ALK: variants seen among roughly 807,000 people sequenced by gnomAD.
ALK encodes ALK tyrosine kinase receptor.
Under a neutral mutation model 163.1 loss-of-function variants are expected in ALK, and 74 were observed. The observed-to-expected ratio is 0.45, with a 90% CI of 0.38 to 0.55. The LOEUF (loss-of-function observed/expected upper bound fraction) is 0.55. Among genes scored for constraint, ALK ranks in the 20% least tolerant of loss-of-function variants. The probability of loss-of-function intolerance (pLI) is 0.00; values close to 1 mark genes in which losing one functional copy is unlikely to be tolerated. For synonymous variants in ALK, 960 were observed against 843.2 expected, an observed-to-expected ratio of 1.14 and a Z score of -2.40; for missense variants, 2,063 against 2,105.3, an observed-to-expected ratio of 0.98 and a Z score of 0.39.
intron 2 of ALK, among the ~76,000 whole-genome samples, chr2:29,700,886 T>G (rs1332065259): frequency 6.6e-6 from 1 of 152,182 alleles, no homozygotes; most frequent in Admixed American, 6.5e-5. Flanking sequence ...CAAACCACCT[T>G]GAACACTCTG....
At chr2:29,349,185 G>C (rs778828458) in intron 5 of ALK, among the ~76,000 whole-genome samples, 1 of 152,210 alleles carries the variant, frequency 6.6e-6, no homozygotes, top group Non-Finnish European at 1.5e-5. Flanking sequence ...GCTCAGGGAA[G>C]ACAGTAGAGT....
intron 3 of ALK, among the ~76,000 whole-genome samples, chr2:29,639,724 A>G (rs990980665): frequency 6.6e-6 from 1 of 152,352 alleles, no homozygotes; most frequent in Non-Finnish European, 1.5e-5. Flanking sequence ...TTCAGTGAAC[A>G]TAAGGCAAAC....
rs140637999 is a variant in ALK at position 29,607,524 on chromosome 2, C to T, written c.953-75408G>A. 2.5e-3 allele frequency among the ~76,000 whole-genome samples: 374 copies of T among 152,288 alleles called. 2 individuals are homozygous for T. The highest frequency in any genetic ancestry group is 8.7e-3 in the African/African-American group (360 of 41,552). On this transcript the variant is annotated intron_variant, in intron 3 of 28. Transcript: ENST00000389048. Reference sequence around the variant, plus strand: ...AGTCAGGCTTTCTCCCTCACCACTCCCCCGAAATGGCTCTTGTCAAGGTCA... The same window carrying T: ...AGTCAGGCTTTCTCCCTCACCACTCTCCCGAAATGGCTCTTGTCAAGGTCA...
At chr2:29,579,478 T>C (rs1369307114) in intron 3 of ALK, among the ~76,000 whole-genome samples, 2 of 152,218 alleles carry the variant, frequency 1.3e-5, no homozygotes, top group African/African-American at 2.4e-5. Context: ...AATGATGTGA[T>C]AGCAAATGTT....
intron 3 of ALK, among the ~76,000 whole-genome samples, chr2:29,621,326 T>C (rs1400992312): frequency 6.6e-6 from 1 of 152,178 alleles, no homozygotes; most frequent in Non-Finnish European, 1.5e-5. Flanking sequence ...AGAAAAGATA[T>C]CTGTTTTCTT....
rs56101801 is a variant in ALK, at chr2:29,384,651, A to AGTGT, written c.1155-796_1155-793dup. On this transcript the variant is annotated intron_variant, in intron 4 of 28. Coordinates refer to ENST00000389048, the MANE Select transcript of ALK (RefSeq NM_004304.5). Reference sequence around the variant, plus strand: ...CAGCATTGATTCATAAATGTCTGCGAGTGTGTGTGTGTGTGTGGATTTATT... The same window carrying AGTGT: ...CAGCATTGATTCATAAATGTCTGCGAGTGTGTGTGTGTGTGTGTGTGGATTTATT... Among the ~76,000 whole-genome samples the AGTGT allele has an allele frequency of 4.2e-3, 633 of 150,640 alleles. 1 individual carries two copies. Among genetic ancestry groups the AGTGT allele is most frequent in the East Asian group, 0.024 (123 of 5,146 alleles).
chr2:29,638,768 C>A (rs1299333174), intron 3 of ALK, among the ~76,000 whole-genome samples: 2 of 152,112 alleles, frequency 1.3e-5, no homozygotes, highest in South Asian at 2.1e-4. Flanking sequence ...AAGACTGGGA[C>A]TGAACCACAG....
chr2:29,833,053 TGAG>T, intron 1 of ALK, among the ~76,000 whole-genome samples: 1 of 152,170 alleles, frequency 6.6e-6, no homozygotes, highest in Non-Finnish European at 1.5e-5. Context: ...AGAGAGCACT[TGAG>T]GTAGGGAAGT....
At chr2:29,347,064 T>C (rs1304129678) in intron 5 of ALK, among the ~76,000 whole-genome samples, 3 of 152,220 alleles carry the variant, frequency 2.0e-5, no homozygotes, top group Admixed American at 1.3e-4. Flanking sequence ...TCTCCGTTTT[T>C]TGTAGTTCAA....
intron 1 of ALK, among the ~76,000 whole-genome samples, chr2:29,763,568 A>G (rs1358649399): frequency 6.6e-6 from 1 of 152,110 alleles, no homozygotes; most frequent in South Asian, 2.1e-4. Context: ...CTCAGCCCCC[A>G]CATTTATGGG....
intron 4 of ALK, among the ~76,000 whole-genome samples, chr2:29,518,720 C>T (rs193052056): frequency 3.5e-3 from 536 of 152,220 alleles, no homozygotes; most frequent in Non-Finnish European, 5.1e-3. Flanking sequence ...AATCACTTAG[C>T]CTGGGAAAAC....
At chr2:29,574,741 G>A (rs920666319) in intron 3 of ALK, among the ~76,000 whole-genome samples, 1 of 152,210 alleles carries the variant, frequency 6.6e-6, no homozygotes, top group Admixed American at 6.5e-5. Flanking sequence ...GATGAGGAGG[G>A]GAGGCCGTGC....
intron 9 of ALK, among the ~76,000 whole-genome samples, chr2:29,283,901 T>C (rs1547593): frequency 0.9 from 136,774 of 152,192 alleles, 62,611 homozygotes; most frequent in Non-Finnish European, 0.99. Flanking sequence ...GTAAATCACA[T>C]ACTTGTGCCT....
intron 8 of ALK, among the ~76,000 whole-genome samples, chr2:29,304,298 C>G (rs1371334292): frequency 6.6e-6 from 1 of 152,062 alleles, no homozygotes; most frequent in Non-Finnish European, 1.5e-5. Flanking sequence ...GAGTTCTAGA[C>G]CAGCCTGGTC....
intron 4 of ALK, among the ~76,000 whole-genome samples, chr2:29,403,608 GT>G (rs1405860750): frequency 7.0e-6 from 1 of 142,250 alleles, no homozygotes; most frequent in Non-Finnish European, 1.5e-5. Context: ...TGGCATGCTT[GT>G]TCACACCTAT....
At chr2:29,551,312 T>A (rs1193088177) in intron 3 of ALK, among the ~76,000 whole-genome samples, 2 of 152,070 alleles carry the variant, frequency 1.3e-5, no homozygotes, top group Admixed American at 1.3e-4. Flanking sequence ...CTTCATGGAG[T>A]CATTAAAATT....
chr2:29,355,289 T>C (rs188895643), intron 5 of ALK, among the ~76,000 whole-genome samples: 2 of 152,302 alleles, frequency 1.3e-5, no homozygotes, highest in African/African-American at 4.8e-5. Context: ...TATTTTCAGC[T>C]GGGAAAACAA....
At chr2:29,411,822 G>A (rs773648234) in intron 4 of ALK, among the ~76,000 whole-genome samples, 6 of 152,104 alleles carry the variant, frequency 3.9e-5, no homozygotes, top group Non-Finnish European at 7.3e-5. Context: ...AAACTTATTT[G>A]CCATCTCAGC....
chr2:29,797,832 C>G (rs898016600), intron 1 of ALK, among the ~76,000 whole-genome samples: 3 of 151,318 alleles, frequency 2.0e-5, no homozygotes, highest in African/African-American at 7.3e-5. Context: ...TTACTTTCAC[C>G]AAAGCACTAT....
Sources: gnomAD v4.1 joint callset for allele counts (sites outside exome capture counted in the v4.1 genomes callset) on GRCh38, gnomAD v4.1.1 for gene constraint, MANE v1.5 for transcripts, NCBI Gene and HGNC (gene_info 2026-07-23, HGNC 2026-07-21) for gene names.